Variants in CCDC102B observed in about 807,000 individuals in gnomAD.
CCDC102B encodes coiled-coil domain-containing protein 102B.
A neutral mutation model predicts 57.4 loss-of-function variants in CCDC102B; 75 were observed. The observed-to-expected ratio is 1.31, with a 90% CI of 1.08 to 1.58. The LOEUF is 1.58. Among genes scored for constraint, CCDC102B ranks in the 40% most tolerant of loss-of-function variants. The pLI, the probability that CCDC102B is intolerant of heterozygous loss-of-function variation, is 0.00. For missense variants in CCDC102B, 636 were observed against 582.6 expected (o/e 1.09, Z -0.94); for synonymous variants, 206 against 201.9 (o/e 1.02, Z -0.17).
At chr18:68,762,659 G>A (rs538877332) in intron 2 of CCDC102B, among the ~76,000 whole-genome samples, 3 of 152,200 alleles carry the variant, frequency 2.0e-5, no homozygotes, top group African/African-American at 4.8e-5. Flanking sequence ...AAAAAGCATC[G>A]TGTGTGGAGG....
chr18:68,917,738 C>T (rs2041126406), intron 6 of CCDC102B, among the ~76,000 whole-genome samples: 1 of 152,126 alleles, frequency 6.6e-6, no homozygotes, highest in Admixed American at 6.5e-5. Flanking sequence ...CTTTTAGCAT[C>T]ATCTGAAAAT....
intron 1 of CCDC102B, among the ~76,000 whole-genome samples, chr18:68,716,166 T>C (rs375063967): frequency 3.2e-4 from 48 of 152,194 alleles, no homozygotes; most frequent in African/African-American, 1.1e-3. Flanking sequence ...AGGGGACTGT[T>C]GAAATGATGG....
intron 1 of CCDC102B, among the ~76,000 whole-genome samples, chr18:68,824,242 G>T (rs1243232051): frequency 6.6e-6 from 1 of 152,132 alleles, no homozygotes; most frequent in Non-Finnish European, 1.5e-5. Flanking sequence ...ATAGTAAAAA[G>T]CAAGGGTCCA....
chr18:68,941,703 TATG>T (rs899320486), intron 6 of CCDC102B, among the ~76,000 whole-genome samples: 1 of 152,134 alleles, frequency 6.6e-6, no homozygotes, highest in Non-Finnish European at 1.5e-5. Context: ...TTTGTAGCAT[TATG>T]ACTTAGAGGC....
At chr18:68,817,909 G>A (rs1291106099) in intron 1 of CCDC102B, among the ~76,000 whole-genome samples, 1 of 152,028 alleles carries the variant, frequency 6.6e-6, no homozygotes, top group African/African-American at 2.4e-5. Context: ...TTTAATTTGG[G>A]TGGTAGGATA....
chr18:69,012,606 G>A (rs1432003176), intron 7 of CCDC102B, among the ~76,000 whole-genome samples: 2 of 152,098 alleles, frequency 1.3e-5, no homozygotes, highest in African/African-American at 2.4e-5. Flanking sequence ...CTTTGAGAGC[G>A]GACACAGGGC....
chr18:68,829,240 TATC>T (rs1249928595), intron 1 of CCDC102B, among the ~76,000 whole-genome samples: 1 of 152,074 alleles, frequency 6.6e-6, no homozygotes, highest in Non-Finnish European at 1.5e-5. Flanking sequence ...TAACATATGA[TATC>T]ATGCATGATT....
intron 2 of CCDC102B, among the ~76,000 whole-genome samples, chr18:68,750,669 A>G (rs1488651684): frequency 6.6e-6 from 1 of 152,014 alleles, no homozygotes; most frequent in African/African-American, 2.4e-5. Context: ...GAAGCTAGAA[A>G]CCATCATTCT....
At chr18:68,717,248 A>C (rs964541746) in intron 2 of CCDC102B, among the ~76,000 whole-genome samples, 3 of 152,128 alleles carry the variant, frequency 2.0e-5, no homozygotes, top group African/African-American at 7.2e-5. Context: ...GTCTCTATAA[A>C]ATAAATACCA....
At chr18:68,913,761 C>T (rs9954597) in intron 6 of CCDC102B, among the ~76,000 whole-genome samples, 140,193 of 152,246 alleles carry the variant, frequency 0.92, 64,603 homozygotes, top group East Asian at 0.99. Flanking sequence ...CTAAAGGAAG[C>T]GTAATTTTAA....
intron 1 of CCDC102B, among the ~76,000 whole-genome samples, chr18:68,834,941 A>C (rs954607428): frequency 1.3e-5 from 2 of 152,030 alleles, no homozygotes; most frequent in Non-Finnish European, 2.9e-5. Context: ...AGATGAAAAA[A>C]AGTGAGAGGA....
chr18:68,919,616 A>G (rs2041202352), intron 6 of CCDC102B, among the ~76,000 whole-genome samples: 1 of 152,164 alleles, frequency 6.6e-6, no homozygotes, highest in South Asian at 2.1e-4. Flanking sequence ...TTATTCTTCT[A>G]GCCATACACA....
upstream of CCDC102B, among the ~76,000 whole-genome samples, chr18:68,794,212 A>T (rs1412390486): frequency 6.6e-6 from 1 of 152,152 alleles, no homozygotes; most frequent in Non-Finnish European, 1.5e-5. Flanking sequence ...TGTGGCTTGC[A>T]TCTGAATCAT....
chr18:68,981,237 G>A (rs183339642), intron 6 of CCDC102B, among the ~76,000 whole-genome samples: 2 of 151,916 alleles, frequency 1.3e-5, no homozygotes, highest in Non-Finnish European at 2.9e-5. Flanking sequence ...TATAAAACAC[G>A]CAGAGAAAGG....
At chr18:68,821,131 A>C (rs1028936108) in intron 1 of CCDC102B, among the ~76,000 whole-genome samples, 8 of 152,112 alleles carry the variant, frequency 5.3e-5, no homozygotes, top group African/African-American at 1.9e-4. Context: ...GGTGATCCAA[A>C]AGCAAATTCA....
chr18:68,950,726 C>T (rs2049673064), intron 6 of CCDC102B, among the ~76,000 whole-genome samples: 1 of 152,058 alleles, frequency 6.6e-6, no homozygotes, highest in Non-Finnish European at 1.5e-5. Context: ...AAGTAACTCC[C>T]AACTTTCAGC....
At chr18:68,907,286 C>T (rs1300916531) in intron 6 of CCDC102B, among the ~76,000 whole-genome samples, 2 of 151,924 alleles carry the variant, frequency 1.3e-5, no homozygotes. Context: ...TATTCAAAGC[C>T]TCCTGAAATT....
At position 69,044,879 on chromosome 18, in the gene CCDC102B, G is replaced by T. The variant is rs189116182; in HGVS notation, c.1435-9151G>T. Among the ~76,000 whole-genome samples, 1,044 of 152,214 alleles carry T rather than the reference G, an allele frequency of 6.9e-3. 3 individuals carry two copies. The highest frequency in any genetic ancestry group is 0.011 in the Non-Finnish European group (733 of 68,006). On this transcript the variant is annotated intron_variant, in intron 7 of 7. Transcript: ENST00000360242. The stretch of plus-strand genomic sequence containing the variant: ...ACAAATTGAGTAGCTTAAACAACAG[G>T]AATTTATTTTTTCACATTTCTGGAG...
In CCDC102B at chr18:68,897,268, T is replaced by C; in HGVS notation, c.1103T>C (p.Ile368Thr). The stretch of plus-strand genomic sequence containing the variant: ...ACCTCGGAGTGGGACAAGAGGGAAA[T>C]ACTTGAAAGAGAAAAGCAGGGACTG... ...ENTSEWDKRE[I>T]LEREKQGLER... The change falls in exon 6 of 8, where the codon ATA becomes ACA. Residue 368 changes from isoleucine to threonine, a missense_variant. Transcript: ENST00000360242. 6.2e-7 allele frequency: 1 copy of C among 1,612,952 alleles called. No individual in the cohort carries two copies. The highest frequency in any genetic ancestry group is 1.7e-4 in the Middle Eastern group (1 of 6,052).
Sources: allele counts gnomAD v4.1 joint callset (sites outside exome capture counted in the v4.1 genomes callset), GRCh38; gene constraint gnomAD v4.1.1; transcripts MANE v1.5; gene names NCBI Gene and HGNC (gene_info 2026-07-23, HGNC 2026-07-21).